Variants in EYS observed in about 807,000 individuals in gnomAD.
EYS encodes the protein EGF-like photoreceptor maintenance factor, also known as protein eyes shut homolog.
EYS carries 250 observed loss-of-function variants against 282.1 expected under a neutral mutation model. The ratio of observed to expected loss-of-function variants is 0.89; its 90% CI spans 0.80 to 0.98. The LOEUF is 0.98. Among genes scored for constraint, EYS ranks in the 50% least tolerant of loss-of-function variants. The pLI is 0.00. For synonymous variants in EYS, 1,355 were observed against 1,282.9 expected, an observed-to-expected ratio of 1.06 and a Z score of -1.20; for missense variants, 4,016 against 3,709.0, an observed-to-expected ratio of 1.08 and a Z score of -2.15.
chr6:63,857,284 ATATAATAC>A (rs1772419540), intron 36 of EYS, among the ~76,000 whole-genome samples: 1 of 152,198 alleles, frequency 6.6e-6, no homozygotes. Context: ...CCAGAGGTCA[ATATAATAC>A]TCTAACACTT....
chr6:64,552,954 A>G (rs1765131319), intron 26 of EYS, among the ~76,000 whole-genome samples: 1 of 141,850 alleles, frequency 7.0e-6, no homozygotes, highest in African/African-American at 2.5e-5. Context: ...GAAAAAGAAA[A>G]TCTTTGAATT....
intron 2 of EYS, among the ~76,000 whole-genome samples, chr6:65,555,585 C>T (rs1241199621): frequency 6.6e-6 from 1 of 152,038 alleles, no homozygotes; most frequent in Non-Finnish European, 1.5e-5. Context: ...TTTAATTTTA[C>T]TTTGAAGTTG....
At chr6:64,584,831 GGT>G (rs1766181965) in intron 26 of EYS, among the ~76,000 whole-genome samples, 1 of 151,828 alleles carries the variant, frequency 6.6e-6, no homozygotes, top group African/African-American at 2.4e-5. Context: ...GGCTTAGAAA[GGT>G]ATTACTTTTA....
In EYS at chr6:65,689,808, A is replaced by G. The variant is rs1302769811; in HGVS notation, c.-448+17327T>C. Among the ~76,000 whole-genome samples the G allele has an allele frequency of 1.3e-5, 2 of 149,888 alleles. 1 individual carries two copies. Among genetic ancestry groups the G allele is most frequent in the Admixed American group, 1.3e-4 (2 of 14,848 alleles). ...GCACCCCTCAACCCAACATCGCCAG[A>G]TATTGTGGGATCTGGCCAGCAGCCC... On this transcript the variant is annotated intron_variant, in intron 1 of 42. Transcript: ENST00000503581.
At chr6:64,168,871 G>C (rs189027750) in intron 31 of EYS, among the ~76,000 whole-genome samples, 1 of 152,096 alleles carries the variant, frequency 6.6e-6, no homozygotes, top group Non-Finnish European at 1.5e-5. Flanking sequence ...TAAAATTTAT[G>C]CTATGTCAGT....
At chr6:64,685,491 G>A (rs1049301887) in intron 22 of EYS, among the ~76,000 whole-genome samples, 2 of 152,090 alleles carry the variant, frequency 1.3e-5, no homozygotes, top group African/African-American at 4.8e-5. Context: ...GTGGTGGTGA[G>A]TGAGTTCCAA....
At chr6:64,718,541 G>C (rs1771470104) in intron 22 of EYS, among the ~76,000 whole-genome samples, 1 of 151,988 alleles carries the variant, frequency 6.6e-6, no homozygotes, top group Admixed American at 6.6e-5. Flanking sequence ...TGTCCCTTAT[G>C]AAGTTGTTGA....
At chr6:64,320,650 T>TA (rs1352771503) in intron 29 of EYS, among the ~76,000 whole-genome samples, 1 of 150,488 alleles carries the variant, frequency 6.6e-6, no homozygotes, top group African/African-American at 2.4e-5. Flanking sequence ...GTTGATCATA[T>TA]AATCTCTATG....
chr6:63,824,845 A>C (rs950050556), intron 36 of EYS, among the ~76,000 whole-genome samples: 3 of 152,180 alleles, frequency 2.0e-5, no homozygotes, highest in Non-Finnish European at 4.4e-5. Context: ...AAAACTCCAA[A>C]GGGAGAAGGA....
At chr6:65,670,019 G>A (rs530580654) in intron 1 of EYS, among the ~76,000 whole-genome samples, 2 of 149,152 alleles carry the variant, frequency 1.3e-5, no homozygotes, top group South Asian at 2.1e-4. Flanking sequence ...CCTCCTCATT[G>A]TTTTTGAACA....
intron 12 of EYS, among the ~76,000 whole-genome samples, chr6:65,185,561 A>G (rs941104999): frequency 2.0e-5 from 3 of 151,902 alleles, no homozygotes; most frequent in Admixed American, 6.6e-5. Context: ...ACGATCATAA[A>G]TAAAGCAGCA....
intron 35 of EYS, among the ~76,000 whole-genome samples, chr6:63,968,494 A>G (rs1766409908): frequency 6.6e-6 from 1 of 152,080 alleles, no homozygotes; most frequent in African/African-American, 2.4e-5. Context: ...AAATAAAAGC[A>G]CCTGTGGAAT....
intron 12 of EYS, among the ~76,000 whole-genome samples, chr6:65,269,421 G>A (rs1767840365): frequency 6.6e-6 from 1 of 152,120 alleles, no homozygotes; most frequent in African/African-American, 2.4e-5. Flanking sequence ...TCATGTGTAG[G>A]TATTTCCTGA....
chr6:64,671,739 AC>A (rs1769469181), intron 22 of EYS, among the ~76,000 whole-genome samples: 1 of 152,184 alleles, frequency 6.6e-6, no homozygotes, highest in Admixed American at 6.5e-5. Flanking sequence ...TTAAAAAAAA[AC>A]CAAACATAGT....
At chr6:64,263,478 AATTTG>A (rs1292538615) in intron 30 of EYS, among the ~76,000 whole-genome samples, 1 of 151,826 alleles carries the variant, frequency 6.6e-6, no homozygotes, top group Non-Finnish European at 1.5e-5. Context: ...TAACTTTTTG[AATTTG>A]ATTTAATATG....
chr6:64,752,459 AAAG>A (rs1772789110), intron 22 of EYS, among the ~76,000 whole-genome samples: 1 of 152,168 alleles, frequency 6.6e-6, no homozygotes, highest in African/African-American at 2.4e-5. Context: ...AGACAAAAAT[AAAG>A]AAGAATATTA....
intron 35 of EYS, among the ~76,000 whole-genome samples, chr6:63,902,945 A>G (rs1773692135): frequency 6.6e-6 from 1 of 152,186 alleles, no homozygotes; most frequent in South Asian, 2.1e-4. Flanking sequence ...GTAGGGGAGA[A>G]GGTGCTAGGT....
chr6:64,932,429 C>T (rs1768757563), intron 15 of EYS, among the ~76,000 whole-genome samples: 1 of 151,962 alleles, frequency 6.6e-6, no homozygotes, highest in Non-Finnish European at 1.5e-5. Context: ...GTGGCAATTG[C>T]TTAATATCAC....
rs545131364 is a variant in EYS at position 65,095,165 on chromosome 6, A to G, written c.2024-37438T>C. On this transcript the variant is annotated intron_variant, in intron 12 of 42. Coordinates refer to ENST00000503581, the MANE Select transcript of EYS (RefSeq NM_001142800.2). ...AAAGAGATAGCCTGATTAGGCCAAT[A>G]ACGAAGAAAAAGATTCAATCAGTAA... 9.9e-5 allele frequency among the ~76,000 whole-genome samples: 15 copies of G among 151,460 alleles called. No homozygotes were observed. The East Asian group carries it at 2.7e-3, about 27-fold the overall frequency.
Sources: allele counts gnomAD v4.1 joint callset (sites outside exome capture counted in the v4.1 genomes callset), GRCh38; gene constraint gnomAD v4.1.1; transcripts MANE v1.5; gene names NCBI Gene and HGNC (gene_info 2026-07-23, HGNC 2026-07-21).